Variants in ADRA1B observed in about 807,000 individuals in gnomAD.
ADRA1B encodes alpha-1B adrenergic receptor.
Under a neutral mutation model 17.9 loss-of-function variants are expected in ADRA1B, and 17 were observed. That is an observed-to-expected ratio of 0.95 (90% CI 0.65 to 1.42). The LOEUF is 1.42. ADRA1B is among the 40% of genes most tolerant of loss of function. The pLI, the probability that ADRA1B is intolerant of heterozygous loss-of-function variation, is 0.00. For missense variants in ADRA1B, 681 were observed against 722.1 expected (o/e 0.94, Z 0.65); for synonymous variants, 366 against 327.6 (o/e 1.12, Z -1.27).
chr5:159,965,977 G>A (rs929279765), intron 1 of ADRA1B, among the ~76,000 whole-genome samples: 6 of 152,118 alleles, frequency 3.9e-5, no homozygotes, highest in South Asian at 2.1e-4. Context: ...GTTTTACCAT[G>A]TTGGCGAGGC....
intron 1 of ADRA1B, among the ~76,000 whole-genome samples, chr5:159,944,565 G>A (rs1375789299): frequency 6.6e-6 from 1 of 152,200 alleles, no homozygotes; most frequent in Admixed American, 6.5e-5. Flanking sequence ...ATGATTGCTT[G>A]CTCATGATGA....
At chr5:159,927,064 G>C (rs117980818) in intron 1 of ADRA1B, among the ~76,000 whole-genome samples, 156 of 152,224 alleles carry the variant, frequency 1.0e-3, no homozygotes, top group African/African-American at 3.6e-3. Flanking sequence ...CCGGTGAAGC[G>C]AGATTGGCTA....
intron 1 of ADRA1B, among the ~76,000 whole-genome samples, chr5:159,889,543 A>G (rs893547777): frequency 1.6e-4 from 24 of 152,144 alleles, no homozygotes; most frequent in African/African-American, 5.8e-4. Flanking sequence ...GACTCCATCA[A>G]TCAGAGGAGC....
At chr5:159,881,522 A>G (rs1753863603) in intron 1 of ADRA1B, among the ~76,000 whole-genome samples, 1 of 152,168 alleles carries the variant, frequency 6.6e-6, no homozygotes, top group African/African-American at 2.4e-5. Context: ...CATCTAAATG[A>G]CAGAGGCTCT....
chr5:159,914,164 A>T (rs148799334), upstream of ADRA1B, among the ~76,000 whole-genome samples: 43 of 152,280 alleles, frequency 2.8e-4, 1 homozygote, highest in East Asian at 8.1e-3. Context: ...GATCTCAAAG[A>T]TCATCTAAGC....
intron 1 of ADRA1B, among the ~76,000 whole-genome samples, chr5:159,891,067 C>G (rs527525378): frequency 1.3e-5 from 2 of 152,192 alleles, no homozygotes; most frequent in Non-Finnish European, 2.9e-5. Context: ...CCTACCCCCC[C>G]TCTAAGATGG....
intron 1 of ADRA1B, among the ~76,000 whole-genome samples, chr5:159,879,026 G>A (rs998953942): frequency 6.6e-6 from 1 of 152,046 alleles, no homozygotes; most frequent in African/African-American, 2.4e-5. Context: ...GGTGAGGCAG[G>A]TCGGGTCTGC....
Position 159,917,457 on chromosome 5 carries a change from G to A in ADRA1B, c.552G>A (p.Trp184Ter), listed in dbSNP as rs1393547582. The A allele has an allele frequency of 1.9e-6, 3 of 1,614,144 alleles. No individual in the cohort carries two copies. Among genetic ancestry groups the A allele is most frequent in the Non-Finnish European group, 2.5e-6 (3 of 1,180,022 alleles). ...TCTCCATCGGGCCTCTCCTTGGGTG[G>A]AAGGAGCCGGCACCCAACGATGACA... Reference protein sequence around the residue: ...TVISIGPLLGWKEPAPNDDKE... With the variant: ...TVISIGPLLG The change falls in exon 1 of 2, where the codon TGG (tryptophan) becomes TGA (stop). Residue 184 changes from tryptophan to a stop codon, truncating the protein, a stop_gained. Transcript: ENST00000306675. LOFTEE classifies it high-confidence loss of function.
At chr5:159,897,975 G>A (rs1017483976) in intron 1 of ADRA1B, among the ~76,000 whole-genome samples, 6 of 152,308 alleles carry the variant, frequency 3.9e-5, no homozygotes, top group East Asian at 1.9e-4. Context: ...CACAGCTCCC[G>A]CATCTTATGC....
At chr5:159,957,525 AT>A (rs1229952829) in intron 1 of ADRA1B, among the ~76,000 whole-genome samples, 2 of 149,768 alleles carry the variant, frequency 1.3e-5, no homozygotes, top group African/African-American at 2.5e-5. Flanking sequence ...AAAAAAAAAA[AT>A]TATATTTTTC....
At chr5:159,938,919 C>G (rs1017790063) in intron 1 of ADRA1B, among the ~76,000 whole-genome samples, 3 of 152,130 alleles carry the variant, frequency 2.0e-5, no homozygotes, top group African/African-American at 7.2e-5. Context: ...GGCAGCCAGT[C>G]CGAAACTATC....
At chr5:159,918,834 G>T (rs577565926) in intron 1 of ADRA1B, among the ~76,000 whole-genome samples, 16 of 152,286 alleles carry the variant, frequency 1.1e-4, no homozygotes, top group African/African-American at 3.9e-4. Context: ...TTCCTCTGAG[G>T]CACTGATCTG....
At chr5:159,958,910 A>C (rs1052649990) in intron 1 of ADRA1B, among the ~76,000 whole-genome samples, 1 of 152,248 alleles carries the variant, frequency 6.6e-6, no homozygotes, top group Admixed American at 6.5e-5. Context: ...TCAGTCTGGC[A>C]TCAAAGATGG....
intron 1 of ADRA1B, among the ~76,000 whole-genome samples, chr5:159,919,214 T>C (rs1263437457): frequency 6.6e-6 from 1 of 152,246 alleles, no homozygotes; most frequent in Non-Finnish European, 1.5e-5. Context: ...CAATGGTTAG[T>C]GTTAAGCAGA....
chr5:159,894,745 A>C (rs539944330), intron 1 of ADRA1B, among the ~76,000 whole-genome samples: 6 of 152,334 alleles, frequency 3.9e-5, no homozygotes, highest in African/African-American at 1.4e-4. Context: ...AGGGCCACTC[A>C]CTATGCAGGG....
intron 1 of ADRA1B, among the ~76,000 whole-genome samples, chr5:159,877,058 G>A (rs989741188): frequency 3.3e-5 from 5 of 152,166 alleles, no homozygotes; most frequent in African/African-American, 9.7e-5. Flanking sequence ...GCAGTCAGAA[G>A]GGCAGCCCCT....
At chr5:159,984,511 C>A in the ADRA1B span, among the ~76,000 whole-genome samples, 5 of 152,200 alleles carry the variant, frequency 3.3e-5, no homozygotes, top group Admixed American at 1.3e-4. Context: ...CCAGCCTGAA[C>A]AACTGCAGTT....
intron 1 of ADRA1B, among the ~76,000 whole-genome samples, chr5:159,939,330 C>CGT (rs1755059781): frequency 2.0e-5 from 3 of 148,652 alleles, no homozygotes; most frequent in South Asian, 4.2e-4. Context: ...TGTGCGCGCG[C>CGT]GCGCGCACAC....
At chr5:159,939,827 C>T (rs1380966502) in intron 1 of ADRA1B, among the ~76,000 whole-genome samples, 1 of 152,200 alleles carries the variant, frequency 6.6e-6, no homozygotes, top group Admixed American at 6.5e-5. Flanking sequence ...CTGCCTGTAA[C>T]ACCCTTCCTT....
Sources: allele counts gnomAD v4.1 joint callset (sites outside exome capture counted in the v4.1 genomes callset), GRCh38; gene constraint gnomAD v4.1.1; transcripts MANE v1.5; gene names NCBI Gene and HGNC (gene_info 2026-07-23, HGNC 2026-07-21).